FLVCR2: variants seen among roughly 807,000 people sequenced by gnomAD.
FLVCR2 encodes the protein choline/ethanolamine transporter FLVCR2.
Under a neutral mutation model 48.9 loss-of-function variants are expected in FLVCR2, and 38 were observed. The observed-to-expected ratio is 0.78, with a 90% CI of 0.60 to 1.02. FLVCR2 has a LOEUF of 1.02. Ranked by LOEUF, FLVCR2 falls within the 50% of genes least tolerant of loss-of-function variation. The pLI is 0.00. For missense variants in FLVCR2, 664 were observed against 663.3 expected (o/e 1.00, Z -0.01); for synonymous variants, 255 against 257.0 (o/e 0.99, Z 0.07).
chr14:75,626,200 C>T (rs961162874), intron 3 of FLVCR2, among the ~76,000 whole-genome samples: 1 of 152,120 alleles, frequency 6.6e-6, no homozygotes, highest in African/African-American at 2.4e-5. Context: ...TCATGTTGGC[C>T]AGTCTGGTCT....
At chr14:75,599,398 C>A (rs1476143551) in intron 1 of FLVCR2, among the ~76,000 whole-genome samples, 1 of 150,608 alleles carries the variant, frequency 6.6e-6, no homozygotes, top group Non-Finnish European at 1.5e-5. Context: ...AGGAATAAAC[C>A]AAGGATGTAA....
intron 5 of FLVCR2, among the ~76,000 whole-genome samples, chr14:75,637,631 T>C (rs1002765250): frequency 6.7e-5 from 10 of 148,776 alleles, no homozygotes; most frequent in Admixed American, 4.1e-4. Context: ...CTTGGGAGGC[T>C]GAGGCAGGAG....
intron 1 of FLVCR2, among the ~76,000 whole-genome samples, chr14:75,597,933 C>T (rs549054936): frequency 5.9e-5 from 9 of 152,044 alleles, no homozygotes; most frequent in African/African-American, 1.7e-4. Flanking sequence ...TTTGAAACCA[C>T]GAGGAGGAAA....
In FLVCR2 at chr14:75,641,196, C is replaced by G. The variant is rs1357185216; in HGVS notation, c.1356C>G (p.Ile452Met). 14 of 1,612,894 alleles carry G rather than the reference C, an allele frequency of 8.7e-6. No individual in the cohort carries two copies. Among genetic ancestry groups the G allele is most frequent in the Non-Finnish European group, 1.1e-5 (13 of 1,179,020 alleles). ...TGCCTTTCCAGGTATTTGGGATCAT[C>G]TTTACCATCTCCCAGGGCCAGATTA... The part of the protein sequence containing the change: ...LNISAQVFGI[I>M]FTISQGQIID... The change falls in exon 8 of 10, where the codon ATC becomes ATG. Residue 452 changes from isoleucine to methionine, a missense_variant. Physicochemically the swap from Ile to Met is conservative, Grantham distance 10 (BLOSUM62 1). Transcript: ENST00000238667.
At chr14:75,580,128 C>G (rs1467895027) in intron 1 of FLVCR2, among the ~76,000 whole-genome samples, 1 of 152,224 alleles carries the variant, frequency 6.6e-6, no homozygotes, top group Non-Finnish European at 1.5e-5. Flanking sequence ...TTACACACAG[C>G]TGAAGCCAGG....
chr14:75,635,721 T>C (rs950750076), intron 5 of FLVCR2, among the ~76,000 whole-genome samples: 4 of 151,864 alleles, frequency 2.6e-5, no homozygotes, highest in Admixed American at 1.3e-4. Flanking sequence ...AAAAATTAGC[T>C]AGGCATAGTG....
rs61980763 is a variant in FLVCR2, at chr14:75,588,916, T to C, written c.669+9275T>C. ...CTGAAAGTCTTAACTTGTTCCAGCATCAACTCAAATGCCCAAATTCTAGAG... is the reference window on the plus strand; with the variant it reads ...CTGAAAGTCTTAACTTGTTCCAGCACCAACTCAAATGCCCAAATTCTAGAG... On this transcript the variant is annotated intron_variant, in intron 1 of 9. Transcript: ENST00000238667. Among the ~76,000 whole-genome samples, 393 of 152,288 alleles carry C rather than the reference T, an allele frequency of 2.6e-3. 1 individual carries two copies. The highest frequency in any genetic ancestry group is 4.5e-3 in the Non-Finnish European group (303 of 68,024).
chr14:75,605,876 C>T lies in FLVCR2; in HGVS notation c.670-16203C>T, dbSNP rs2140021939. The T allele has an allele frequency of 4.0e-6, 2 of 504,816 alleles. 1 individual carries two copies. Among genetic ancestry groups the T allele is most frequent in the South Asian group, 4.4e-5 (2 of 45,216 alleles). 31.3% of individuals were successfully genotyped at this position (504,816 alleles called of 1,614,324 possible). ...CTTTTTTTCTTCTCTCCCCTGGAAA[C>T]TCCTGATTTCTGCATACAATGACTG... On this transcript the variant is annotated intron_variant, in intron 1 of 9. Transcript: ENST00000238667.
intron 1 of FLVCR2, among the ~76,000 whole-genome samples, chr14:75,597,186 T>C (rs1889043796): frequency 1.3e-5 from 2 of 150,468 alleles, no homozygotes; most frequent in South Asian, 4.2e-4. Context: ...GAGGCTGAGG[T>C]GGGAGGATTG....
intron 1 of FLVCR2, among the ~76,000 whole-genome samples, chr14:75,590,862 G>A (rs952511157): frequency 3.9e-5 from 6 of 152,108 alleles, no homozygotes; most frequent in Middle Eastern, 3.2e-3. Context: ...TATCAATTAC[G>A]CAGTCTCCAA....
rs114024407 is a variant in FLVCR2, at chr14:75,639,167, C to T, written c.1125-185C>T. 8.5e-3 allele frequency among the ~76,000 whole-genome samples: 1,289 copies of T among 152,280 alleles called. 16 individuals are homozygous for T. Among genetic ancestry groups the T allele is most frequent in the Middle Eastern group, 0.031 (9 of 294 alleles). On this transcript the variant is annotated intron_variant, in intron 5 of 9. Coordinates refer to ENST00000238667, the MANE Select transcript of FLVCR2 (RefSeq NM_017791.3). ...TAGAGGTTTCAGCGAGCTGTGATCA[C>T]GCCACTGCACTCCAGCCTGGGCAAC...
At chr14:75,642,827 A>T (rs1566798684) in intron 9 of FLVCR2, among the ~76,000 whole-genome samples, 1 of 152,170 alleles carries the variant, frequency 6.6e-6, no homozygotes, top group Non-Finnish European at 1.5e-5. Flanking sequence ...TTTTTCACTT[A>T]TTGCAAGCAC....
At chr14:75,605,382 A>T in intron 1 of FLVCR2, 1 of 1,279,692 alleles carries the variant, frequency 7.8e-7, no homozygotes, top group Non-Finnish European at 1.0e-6. Context: ...CCTTGATTCT[A>T]CAGAGCTAAG....
rs1212522453 is a variant in FLVCR2, at chr14:75,595,858, C to T, written c.669+16217C>T. Reference sequence around the variant, plus strand: ...ACATTGGCCTTTGCAGTCCCCCTGACTTTCCTCATTCTGTTCTTGCGTTCC... The same window carrying T: ...ACATTGGCCTTTGCAGTCCCCCTGATTTTCCTCATTCTGTTCTTGCGTTCC... On this transcript the variant is annotated intron_variant, in intron 1 of 9. Coordinates refer to ENST00000238667, the MANE Select transcript of FLVCR2 (RefSeq NM_017791.3). 3.0e-6 allele frequency: 3 copies of T among 1,013,512 alleles called. No individual in the cohort carries two copies. In the East Asian group the frequency reaches 7.1e-5, roughly 24 times the overall value. The allele number at this position is 1,013,512 out of a possible 1,614,324, so 62.8% of individuals were successfully genotyped here.
chr14:75,599,146 A>G (rs1042226507), intron 1 of FLVCR2, among the ~76,000 whole-genome samples: 1 of 152,178 alleles, frequency 6.6e-6, no homozygotes, highest in African/African-American at 2.4e-5. Context: ...CCACCCAACC[A>G]AGAAAAAGAC....
At chr14:75,599,124 CAGCAACCA>C (rs1889097565) in intron 1 of FLVCR2, among the ~76,000 whole-genome samples, 1 of 152,178 alleles carries the variant, frequency 6.6e-6, no homozygotes, top group Non-Finnish European at 1.5e-5. Context: ...CAAAGATCTA[CAGCAACCA>C]AGCCCACCCA....
chr14:75,579,524 G>A lies in FLVCR2; in HGVS notation c.552G>A (p.Gln184=), dbSNP rs369307912. 1.1e-5 allele frequency: 18 copies of A among 1,613,142 alleles called. No individual in the cohort carries two copies. The highest frequency in any genetic ancestry group is 1.7e-5 in the Admixed American group (1 of 59,990). ...PHLFPVTVVG[Q]LICSVAQVFI... The stretch of plus-strand genomic sequence containing the variant: ...TCTTTCCGGTCACCGTGGTGGGCCA[G>A]CTCATCTGCTCTGTGGCCCAGGTTT... Residue 184 remains glutamine (Q), a synonymous_variant, in exon 1 of 10, where the codon CAG becomes CAA. Coordinates refer to ENST00000238667, the MANE Select transcript of FLVCR2 (RefSeq NM_017791.3).
In FLVCR2 at chr14:75,579,074, G is replaced by T. The variant is rs773791424; in HGVS notation, c.102G>T (p.Ser34=). ...DPSVSVHPSV[S]VHPSVSINPS... ...GCGTCTCGGTCCATCCCAGCGTCTC[G>T]GTCCATCCCAGCGTCTCCATCAACC... The change falls in exon 1 of 10, where the codon TCG becomes TCT. Residue 34 remains serine (S), a synonymous_variant. Coordinates refer to ENST00000238667, the MANE Select transcript of FLVCR2 (RefSeq NM_017791.3). 6.2e-7 allele frequency: 1 copy of T among 1,610,082 alleles called. No homozygotes were observed. The highest frequency in any genetic ancestry group is 8.5e-7 in the Non-Finnish European group (1 of 1,176,912).
chr14:75,600,075 C>A (rs1035324115), intron 1 of FLVCR2, among the ~76,000 whole-genome samples: 1 of 152,158 alleles, frequency 6.6e-6, no homozygotes, highest in Non-Finnish European at 1.5e-5. Context: ...GTCGCAAAGA[C>A]CTTGCTGTTA....
Sources: gnomAD v4.1 joint callset for allele counts (sites outside exome capture counted in the v4.1 genomes callset) on GRCh38, gnomAD v4.1.1 for gene constraint, MANE v1.5 for transcripts, NCBI Gene and HGNC (gene_info 2026-07-23, HGNC 2026-07-21) for gene names.